Variants in GRM7 observed in about 807,000 individuals in gnomAD.
The protein encoded by GRM7 is metabotropic glutamate receptor 7.
In GRM7, 35 loss-of-function variants were observed where a neutral mutation model predicts 84.5. The ratio of observed to expected loss-of-function variants is 0.41; its 90% CI spans 0.32 to 0.55. The LOEUF (loss-of-function observed/expected upper bound fraction) is 0.55. Among genes scored for constraint, GRM7 ranks in the 20% least tolerant of loss-of-function variants. GRM7 has a pLI of 0.19. For synonymous variants in GRM7, 487 were observed against 455.1 expected (o/e 1.07, Z -0.89); for missense variants, 1,003 against 1,194.6 (o/e 0.84, Z 2.36).
intron 7 of GRM7, among the ~76,000 whole-genome samples, chr3:7,483,826 G>A (rs1165366060): frequency 2.6e-5 from 4 of 151,776 alleles, no homozygotes; most frequent in African/African-American, 9.7e-5. Context: ...ATTGTATATG[G>A]AATACTATAT....
chr3:7,574,440 G>C (rs1370110488), intron 7 of GRM7, among the ~76,000 whole-genome samples: 1 of 152,192 alleles, frequency 6.6e-6, no homozygotes, highest in Non-Finnish European at 1.5e-5. Flanking sequence ...TTACAGGCGT[G>C]AGCCACTGTG....
At chr3:7,576,580 T>C (rs1694971766) in intron 7 of GRM7, among the ~76,000 whole-genome samples, 1 of 152,188 alleles carries the variant, frequency 6.6e-6, no homozygotes, top group Non-Finnish European at 1.5e-5. Flanking sequence ...ACACTGAAAT[T>C]CCAATATGCA....
At chr3:7,650,782 A>G (rs976534896) in intron 8 of GRM7, among the ~76,000 whole-genome samples, 12 of 152,164 alleles carry the variant, frequency 7.9e-5, no homozygotes, top group African/African-American at 2.4e-4. Context: ...CAGTGGCACA[A>G]TCTCGGCTGA....
chr3:7,322,823 G>A (rs1306358516), intron 4 of GRM7, among the ~76,000 whole-genome samples: 3 of 152,012 alleles, frequency 2.0e-5, no homozygotes, highest in Admixed American at 6.6e-5. Context: ...AGATGTACGA[G>A]TTGAAGCACA....
intron 8 of GRM7, chr3:7,607,681 C>G (rs1269720076): frequency 1.4e-5 from 2 of 148,040 alleles, no homozygotes; most frequent in Non-Finnish European, 3.0e-5. Context: ...GACAGCTTGT[C>G]GTCTACCATC....
chr3:7,421,341 CTGTATGGTTG>C (rs1423547085), intron 5 of GRM7, among the ~76,000 whole-genome samples: 1 of 152,142 alleles, frequency 6.6e-6, no homozygotes, highest in Non-Finnish European at 1.5e-5. Context: ...GCATAGCCTT[CTGTATGGTTG>C]TGTATTGTAA....
At chr3:7,115,155 T>C (rs1692987885) in intron 1 of GRM7, among the ~76,000 whole-genome samples, 1 of 152,132 alleles carries the variant, frequency 6.6e-6, no homozygotes, top group Admixed American at 6.6e-5. Flanking sequence ...GGCTAAATAC[T>C]TGGGTAAGAG....
chr3:7,093,676 C>CAAAAAA lies in GRM7; in HGVS notation c.520-52743_520-52738dup, dbSNP rs1209938099. On this transcript the variant is annotated intron_variant, in intron 1 of 9. Coordinates refer to ENST00000357716, the MANE Select transcript of GRM7 (RefSeq NM_000844.4). The stretch of plus-strand genomic sequence containing the variant: ...TGGGCGATAGAGCAAGACTCTGTCT[C>CAAAAAA]AAAAAAAAAAAAAAAAAAAAAAAAA... Among the ~76,000 whole-genome samples, 43 of 13,952 alleles carry CAAAAAA rather than the reference C, an allele frequency of 3.1e-3. 11 individuals are homozygous for CAAAAAA. Among genetic ancestry groups the CAAAAAA allele is most frequent in the East Asian group, 6.5e-3 (2 of 306 alleles). 9.2% of individuals were successfully genotyped at this position (13,952 alleles called of 152,430 possible). A position where few individuals can be genotyped will look rare whatever the true frequency, so the allele number is the denominator to read the frequency against.
chr3:7,434,650 A>G (rs1696968936), intron 5 of GRM7, among the ~76,000 whole-genome samples: 1 of 152,196 alleles, frequency 6.6e-6, no homozygotes, highest in African/African-American at 2.4e-5. Flanking sequence ...ATACCTGATC[A>G]TGATGTATCT....
chr3:7,614,058 G>A (rs550122925), intron 8 of GRM7, among the ~76,000 whole-genome samples: 11 of 152,258 alleles, frequency 7.2e-5, no homozygotes, highest in Admixed American at 6.5e-4. Flanking sequence ...GAGGTAAGGA[G>A]TTGGAGACTA....
At chr3:7,542,762 G>T (rs1045436728) in intron 7 of GRM7, among the ~76,000 whole-genome samples, 1 of 151,960 alleles carries the variant, frequency 6.6e-6, no homozygotes, top group African/African-American at 2.4e-5. Context: ...TGGCCAGGAT[G>T]GTCTTGATCT....
chr3:7,606,425 G>C (rs1167120268), intron 8 of GRM7, among the ~76,000 whole-genome samples: 1 of 152,182 alleles, frequency 6.6e-6, no homozygotes, highest in Non-Finnish European at 1.5e-5. Context: ...TCAGAGGTGG[G>C]TGATTTGGAC....
intron 1 of GRM7, among the ~76,000 whole-genome samples, chr3:6,916,417 G>A (rs1331171631): frequency 6.6e-6 from 1 of 152,196 alleles, no homozygotes; most frequent in Non-Finnish European, 1.5e-5. Flanking sequence ...AATGCATTAA[G>A]CAAGTAGTGG....
chr3:7,674,678 T>C (rs1207174538), intron 8 of GRM7, among the ~76,000 whole-genome samples: 1 of 152,206 alleles, frequency 6.6e-6, no homozygotes, highest in Non-Finnish European at 1.5e-5. Flanking sequence ...ATAGTCACCA[T>C]GTTGTGCAAC....
intron 2 of GRM7, among the ~76,000 whole-genome samples, chr3:7,225,935 A>C (rs1430665719): frequency 6.6e-6 from 1 of 152,160 alleles, no homozygotes; most frequent in African/African-American, 2.4e-5. Flanking sequence ...GAACAGTTAA[A>C]TATTTTTATA....
At chr3:7,005,448 T>C (rs1237698194) in intron 1 of GRM7, among the ~76,000 whole-genome samples, 1 of 152,348 alleles carries the variant, frequency 6.6e-6, no homozygotes, top group East Asian at 1.9e-4. Flanking sequence ...ACCTTTAAAG[T>C]TCTGAAAGCC....
chr3:7,207,631 C>G (rs975987757), intron 2 of GRM7, among the ~76,000 whole-genome samples: 1 of 152,114 alleles, frequency 6.6e-6, no homozygotes, highest in African/African-American at 2.4e-5. Context: ...ATTCCTAATA[C>G]TAGTGTCTTC....
chr3:7,711,910 A>G (rs1701593800), intron 9 of GRM7, among the ~76,000 whole-genome samples: 1 of 152,222 alleles, frequency 6.6e-6, no homozygotes, highest in Admixed American at 6.5e-5. Context: ...CTACACTGTA[A>G]CTAAACCAAT....
intron 8 of GRM7, among the ~76,000 whole-genome samples, chr3:7,608,536 G>A (rs921805086): frequency 2.0e-5 from 3 of 152,094 alleles, no homozygotes; most frequent in African/African-American, 7.2e-5. Context: ...TTTGAGAAGT[G>A]TCTGTTCATG....
Sources: gnomAD v4.1 joint callset for allele counts (sites outside exome capture counted in the v4.1 genomes callset) on GRCh38, gnomAD v4.1.1 for gene constraint, MANE v1.5 for transcripts, NCBI Gene and HGNC (gene_info 2026-07-23, HGNC 2026-07-21) for gene names.